The following MAP3K7 variants were observed in gnomAD, a reference collection of about 807,000 sequenced individuals.
MAP3K7 encodes TGF-beta activated kinase 1.
MAP3K7 carries 21 observed loss-of-function variants against 84.8 expected under a neutral mutation model. The observed-to-expected ratio is 0.25, with a 90% CI of 0.18 to 0.36. MAP3K7 has a LOEUF of 0.36. Ranked by LOEUF, MAP3K7 falls within the 10% of genes least tolerant of loss-of-function variation. MAP3K7 has a pLI of 1.00. For missense variants in MAP3K7, 503 were observed against 747.7 expected (o/e 0.67, Z 3.82); for synonymous variants, 241 against 247.7 (o/e 0.97, Z 0.25).
intron 1 of MAP3K7, 113 bp downstream of exon 1, chr6:90,586,651 C>A (rs1422257474): frequency 7.1e-7 from 1 of 1,414,868 alleles, no homozygotes; most frequent in Admixed American, 2.5e-5. Flanking sequence ...GGGTGGACCC[C>A]GCAGGGTCCC....
At chr6:90,520,627 T>C in intron 14 of MAP3K7, among the ~76,000 whole-genome samples, 1 of 152,138 alleles carries the variant, frequency 6.6e-6, no homozygotes, top group East Asian at 1.9e-4. Flanking sequence ...AAGTAATGTT[T>C]ATTAAATATT....
chr6:90,552,010 T>G (rs1776193635), intron 8 of MAP3K7, 39 bp downstream of exon 8: 8 of 1,567,598 alleles, frequency 5.1e-6, no homozygotes, highest in Non-Finnish European at 7.0e-6. Flanking sequence ...ACATATTAAA[T>G]TCCCCTAAAT....
chr6:90,531,122 A>G (rs1444834783), intron 13 of MAP3K7, among the ~76,000 whole-genome samples: 1 of 152,210 alleles, frequency 6.6e-6, no homozygotes, highest in Non-Finnish European at 1.5e-5. Context: ...TTTAAACCTC[A>G]GGGGCAGATT....
rs746179392 is a variant in MAP3K7, at chr6:90,516,685, C to G, written c.1641-4G>C. 9 of 1,592,818 alleles carry G rather than the reference C, an allele frequency of 5.7e-6. No homozygotes were observed. The East Asian group carries it at 1.8e-4, about 32-fold the overall frequency. On this transcript the variant is annotated splice_polypyrimidine_tract_variant and splice_region_variant and intron_variant, in intron 16 of 16. Coordinates refer to ENST00000369329, the MANE Select transcript of MAP3K7 (RefSeq NM_145331.3). ...CAGTTCTGCAACTAGTTCTTGCCTA[C>G]AAACAAATACCACATAATATTACAC...
At chr6:90,581,315 G>A (rs972270866) in intron 1 of MAP3K7, among the ~76,000 whole-genome samples, 1 of 151,906 alleles carries the variant, frequency 6.6e-6, no homozygotes. Flanking sequence ...AGTTTCATTT[G>A]GCCCTGTTCT....
chr6:90,570,720 G>C (rs1261406935), intron 2 of MAP3K7, among the ~76,000 whole-genome samples: 1 of 152,068 alleles, frequency 6.6e-6, no homozygotes, highest in African/African-American at 2.4e-5. Flanking sequence ...ACGCTATTAC[G>C]ATCTTTTTGA....
In MAP3K7 at chr6:90,547,499, T is replaced by C. The variant is rs1776042208; in HGVS notation, c.1081-112A>G. On this transcript the variant is annotated intron_variant, in intron 10 of 16. Coordinates refer to ENST00000369329, the MANE Select transcript of MAP3K7 (RefSeq NM_145331.3). The stretch of plus-strand genomic sequence containing the variant: ...GGGATTCTGATAGATCCTGTTCTGC[T>C]CTGAAAGGAGAGGGAAGTTTGTACG... 2.5e-6 allele frequency: 3 copies of C among 1,208,570 alleles called. No homozygotes were observed. The East Asian group carries it at 7.6e-5, about 31-fold the overall frequency. The allele number at this position is 1,208,570 out of a possible 1,614,324, so 74.9% of individuals were successfully genotyped here.
chr6:90,550,501 C>G lies in MAP3K7; in HGVS notation c.916G>C (p.Asp306His). Residue 306 changes from aspartate (D) to histidine (H), a missense_variant, in exon 9 of 17, where the codon GAT becomes CAT. Around this residue, in one of 5 missense-constraint regions of MAP3K7, gnomAD observed 286 missense variants for 313.6 expected, o/e 0.91. Coordinates refer to ENST00000369329, the MANE Select transcript of MAP3K7 (RefSeq NM_145331.3). ...GTGGCAGAGTTGCTCTGTCCTTCATCTGAATACTGACAAGGATACTGTAAT... is the reference window on the plus strand; with the variant it reads ...GTGGCAGAGTTGCTCTGTCCTTCATGTGAATACTGACAAGGATACTGTAAT... ...EPLQYPCQYS[D>H]EGQSNSATST... The G allele has an allele frequency of 3.1e-6, 5 of 1,611,966 alleles. No homozygotes were observed. The highest frequency in any genetic ancestry group is 4.2e-6 in the Non-Finnish European group (5 of 1,178,610).
intron 15 of MAP3K7, 85 bp from the exon 16 acceptor site, chr6:90,518,647 A>C (rs1468767285): frequency 1.4e-6 from 1 of 722,464 alleles, no homozygotes; most frequent in Non-Finnish European, 2.4e-6. Flanking sequence ...AGACTGTGAT[A>C]TATTTTTATA....
chr6:90,568,067 G>A (rs1015428120), intron 3 of MAP3K7, among the ~76,000 whole-genome samples: 2 of 109,588 alleles, frequency 1.8e-5, no homozygotes, highest in Non-Finnish European at 3.9e-5. Context: ...CTGTTGTGGG[G>A]TGGGGAGAGG....
At chr6:90,552,202 G>A in intron 7 of MAP3K7, 23 bp from the exon 8 acceptor site, 4 of 1,580,802 alleles carry the variant, frequency 2.5e-6, no homozygotes, top group Non-Finnish European at 3.5e-6. Context: ...ATGAGAGGAA[G>A]GGGGGAAGAA....
chr6:90,559,895 T>C (rs1776451840), intron 5 of MAP3K7, among the ~76,000 whole-genome samples, 181 bp downstream of exon 5: 2 of 152,252 alleles, frequency 1.3e-5, no homozygotes, highest in African/African-American at 4.8e-5. Context: ...ACATCTAAAA[T>C]ACAAGCTTAG....
intron 13 of MAP3K7, among the ~76,000 whole-genome samples, chr6:90,525,334 A>G (rs566157236): frequency 6.6e-6 from 1 of 152,284 alleles, no homozygotes; most frequent in Non-Finnish European, 1.5e-5. Flanking sequence ...AGAATACAAC[A>G]ATTCAAAATT....
rs1308878861 is a variant in MAP3K7 at position 90,544,521 on chromosome 6, C to T, written c.1291+31G>A. On this transcript the variant is annotated intron_variant, in intron 12 of 16. Transcript: ENST00000369329. Reference sequence around the variant, plus strand: ...AGGGATCATTATTCCGGTTCCACAGCTATTAGACCAACTCAGGTGGTCTAT... The same window carrying T: ...AGGGATCATTATTCCGGTTCCACAGTTATTAGACCAACTCAGGTGGTCTAT... The T allele has an allele frequency of 2.5e-6, 4 of 1,587,224 alleles. No homozygotes were observed. The South Asian group carries it at 4.4e-5, about 18-fold the overall frequency.
chr6:90,556,687 A>C lies in MAP3K7; in HGVS notation c.483-63T>G, dbSNP rs1360403335. 5.4e-6 allele frequency: 8 copies of C among 1,493,082 alleles called. No homozygotes were observed. The East Asian group carries it at 1.8e-4, about 34-fold the overall frequency. 92.5% of individuals were successfully genotyped at this position (1,493,082 alleles called of 1,614,324 possible). A position where few individuals can be genotyped will look rare whatever the true frequency, so the allele number is the denominator to read the frequency against. On this transcript the variant is annotated intron_variant, in intron 5 of 16. Transcript: ENST00000369329. ...GGCCAACATTTTATTCTACAATAAA[A>C]GAAGAGACATTTGTGGAAATGGAAA...
chr6:90,528,644 A>G (rs893072248), intron 13 of MAP3K7, among the ~76,000 whole-genome samples: 45 of 152,258 alleles, frequency 3.0e-4, no homozygotes, highest in African/African-American at 1.0e-3. Context: ...CATAGTAGGT[A>G]CATATTTATG....
At chr6:90,571,664 G>A in intron 2 of MAP3K7, 33 bp downstream of exon 2, 1 of 1,318,272 alleles carries the variant, frequency 7.6e-7, no homozygotes, top group African/African-American at 1.5e-5. Flanking sequence ...CTTAAGTGCA[G>A]AACTACACAA....
rs931495363 is a variant in MAP3K7 at position 90,514,340 on chromosome 6, A to G, written c.*2161T>C. The G allele has an allele frequency of 2.0e-5, 3 of 152,024 alleles. No individual in the cohort carries two copies. The highest frequency in any genetic ancestry group is 7.2e-5 in the African/African-American group (3 of 41,420). 9.4% of individuals were successfully genotyped at this position (152,024 alleles called of 1,614,324 possible). ...CTTAAAAGCATGAAATTGACAACAC[A>G]ACTACTTAAAAACAGAGTAAGGCTG... On this transcript the variant is annotated 3_prime_UTR_variant, in exon 17 of 17. Transcript: ENST00000369329.
intron 5 of MAP3K7, among the ~76,000 whole-genome samples, chr6:90,559,134 A>G (rs1776425730): frequency 6.6e-6 from 1 of 152,252 alleles, no homozygotes; most frequent in Admixed American, 6.5e-5. Context: ...ACATTATTTT[A>G]TCAGTGACCT....
Sources: gnomAD v4.1 joint callset for allele counts (sites outside exome capture counted in the v4.1 genomes callset) on GRCh38, gnomAD v4.1.1 for gene constraint, gnomAD v4.1.1 regional missense constraint, MANE v1.5 for transcripts, NCBI Gene and HGNC (gene_info 2026-07-23, HGNC 2026-07-21) for gene names.